ANO2: variants seen among roughly 807,000 people sequenced by gnomAD.
The protein encoded by ANO2 is anoctamin 2, also known as anoctamin-2.
A neutral mutation model predicts 124.2 loss-of-function variants in ANO2; 101 were observed. The ratio of observed to expected loss-of-function variants is 0.81; its 90% CI spans 0.69 to 0.96. The LOEUF (loss-of-function observed/expected upper bound fraction) is 0.96. Among genes scored for constraint, ANO2 ranks in the 40% least tolerant of loss-of-function variants. ANO2 has a pLI of 0.00. For synonymous variants in ANO2, 486 were observed against 482.5 expected, an observed-to-expected ratio of 1.01 and a Z score of -0.09; for missense variants, 1,293 against 1,274.5, an observed-to-expected ratio of 1.01 and a Z score of -0.22.
At chr12:5,701,759 T>A (rs1181202239) in intron 14 of ANO2, among the ~76,000 whole-genome samples, 1 of 152,216 alleles carries the variant, frequency 6.6e-6, no homozygotes, top group Non-Finnish European at 1.5e-5. Flanking sequence ...CTCCAGCTTC[T>A]AAGCCTTTAT....
At chr12:5,812,418 A>G (rs1250235460) in intron 7 of ANO2, among the ~76,000 whole-genome samples, 2 of 135,538 alleles carry the variant, frequency 1.5e-5, no homozygotes, top group Admixed American at 7.5e-5. Flanking sequence ...GAGGGAGGGC[A>G]GGCAGGCAAG....
At chr12:5,632,804 T>C (rs889871456) in intron 16 of ANO2, among the ~76,000 whole-genome samples, 3 of 152,186 alleles carry the variant, frequency 2.0e-5, no homozygotes, top group African/African-American at 7.2e-5. Flanking sequence ...TGAGATAATG[T>C]GACACAAATG....
intron 16 of ANO2, among the ~76,000 whole-genome samples, chr12:5,623,050 G>T (rs1015297177): frequency 1.3e-5 from 2 of 152,112 alleles, no homozygotes; most frequent in Non-Finnish European, 2.9e-5. Context: ...GGCCAGGTGG[G>T]GTGGGGTGAC....
chr12:5,833,246 G>A (rs1276987255), intron 4 of ANO2, among the ~76,000 whole-genome samples: 1 of 152,162 alleles, frequency 6.6e-6, no homozygotes, highest in Admixed American at 6.5e-5. Flanking sequence ...TTAGTACCAA[G>A]GTAATTGTTA....
chr12:5,566,882 A>AG (rs1406543505), intron 23 of ANO2, among the ~76,000 whole-genome samples: 7 of 152,298 alleles, frequency 4.6e-5, no homozygotes, highest in Admixed American at 1.3e-4. Context: ...ACCGCAGTTT[A>AG]GGGGACATTC....
At chr12:5,858,079 T>G (rs541055449) in intron 3 of ANO2, among the ~76,000 whole-genome samples, 46 of 152,302 alleles carry the variant, frequency 3.0e-4, no homozygotes, top group Non-Finnish European at 4.0e-4. Context: ...AAAGTTAAGC[T>G]AGATAGGAGG....
At chr12:5,853,141 T>C (rs1464422254) in intron 4 of ANO2, among the ~76,000 whole-genome samples, 4 of 150,052 alleles carry the variant, frequency 2.7e-5, no homozygotes, top group African/African-American at 9.8e-5. Context: ...CAAGGAGACA[T>C]GTCACCTAGA....
chr12:5,710,655 T>C (rs1340385332), intron 14 of ANO2, among the ~76,000 whole-genome samples: 1 of 152,142 alleles, frequency 6.6e-6, no homozygotes, highest in Non-Finnish European at 1.5e-5. Flanking sequence ...TCCAGGCCTA[T>C]GGATAAGGAA....
intron 3 of ANO2, among the ~76,000 whole-genome samples, chr12:5,866,981 AG>A (rs1955443756): frequency 6.6e-6 from 1 of 152,172 alleles, no homozygotes; most frequent in Non-Finnish European, 1.5e-5. Flanking sequence ...GAGTTGGTCT[AG>A]GGGTTGGTCT....
intron 15 of ANO2, among the ~76,000 whole-genome samples, chr12:5,641,973 G>A (rs1431528384): frequency 6.6e-6 from 1 of 152,188 alleles, no homozygotes; most frequent in Non-Finnish European, 1.5e-5. Flanking sequence ...TGGTGGTCCA[G>A]TGATCTATTT....
intron 14 of ANO2, among the ~76,000 whole-genome samples, chr12:5,682,837 T>C (rs1339203830): frequency 6.6e-6 from 1 of 152,234 alleles, no homozygotes; most frequent in Non-Finnish European, 1.5e-5. Flanking sequence ...CAGATATCTA[T>C]GAGCATTCAA....
intron 3 of ANO2, among the ~76,000 whole-genome samples, chr12:5,874,166 CAG>C (rs1223934311): frequency 6.6e-6 from 1 of 152,216 alleles, no homozygotes; most frequent in Admixed American, 6.5e-5. Flanking sequence ...CTGACAGCTA[CAG>C]AAAATTTACA....
At chr12:5,569,560 G>C (rs1053184746) in intron 23 of ANO2, among the ~76,000 whole-genome samples, 7 of 152,130 alleles carry the variant, frequency 4.6e-5, no homozygotes, top group African/African-American at 1.7e-4. Context: ...TCTGCACCTG[G>C]AGCAGCTACG....
intron 8 of ANO2, 91 bp from the exon 9 acceptor site, chr12:5,806,184 A>G (rs1953186095): frequency 7.5e-7 from 1 of 1,332,024 alleles, no homozygotes; most frequent in Non-Finnish European, 1.0e-6. Flanking sequence ...ATTTTCTAAT[A>G]TCATTGCTTT....
At chr12:5,805,661 C>T (rs1953168300) in intron 9 of ANO2, among the ~76,000 whole-genome samples, 1 of 152,182 alleles carries the variant, frequency 6.6e-6, no homozygotes, top group African/African-American at 2.4e-5. Context: ...GTGTTCCGAG[C>T]CCCATCTCTG....
chr12:5,789,817 A>C (rs1420010103), intron 10 of ANO2, among the ~76,000 whole-genome samples: 1 of 152,214 alleles, frequency 6.6e-6, no homozygotes, highest in Non-Finnish European at 1.5e-5. Context: ...AAATTTAGCT[A>C]TCTTGCGGTT....
rs565168088 is a variant in ANO2, at chr12:5,777,471, T to C, written c.1055+22036A>G. ...CTTGGTCCTTTCAAAGCCTGGCAAG[T>C]GGCAGCATGAACTGAGGGGACCAAA... On this transcript the variant is annotated intron_variant, in intron 10 of 24. Transcript: ENST00000682330. 2.0e-5 allele frequency among the ~76,000 whole-genome samples: 3 copies of C among 152,232 alleles called. No individual in the cohort carries two copies. In the East Asian group the frequency reaches 5.8e-4, roughly 29 times the overall value.
At position 5,930,283 on chromosome 12, in the gene ANO2, G is replaced by T. The variant is rs563490180; in HGVS notation, c.23-7479C>A. Among the ~76,000 whole-genome samples, 54 of 152,324 alleles carry T rather than the reference G, an allele frequency of 3.5e-4. 4 individuals are homozygous for T. In the South Asian group the frequency reaches 0.011, roughly 30 times the overall value. On this transcript the variant is annotated intron_variant, in intron 1 of 24. Coordinates refer to ENST00000682330, the MANE Select transcript of ANO2 (RefSeq NM_001364791.2). ...AATACCTGGGAAGTTAAATGGGTCTGCAATGAACGAACAGAGATGTGAAAT... is the reference window on the plus strand; with the variant it reads ...AATACCTGGGAAGTTAAATGGGTCTTCAATGAACGAACAGAGATGTGAAAT...
rs79058864 is a variant in ANO2, at chr12:5,810,919, C to T, written c.893-3551G>A. Among the ~76,000 whole-genome samples the T allele has an allele frequency of 4.6e-3, 696 of 152,336 alleles. 5 individuals carry two copies. The highest frequency in any genetic ancestry group is 0.016 in the African/African-American group (671 of 41,580). ...GAAACATGACCAGGGAAGGCTTAGG[C>T]CCCAGCATTGGTACCTGAAAACACA... On this transcript the variant is annotated intron_variant, in intron 7 of 24. Coordinates refer to ENST00000682330, the MANE Select transcript of ANO2 (RefSeq NM_001364791.2).
Sources: gnomAD v4.1 joint callset for allele counts (sites outside exome capture counted in the v4.1 genomes callset) on GRCh38, gnomAD v4.1.1 for gene constraint, MANE v1.5 for transcripts, NCBI Gene and HGNC (gene_info 2026-07-23, HGNC 2026-07-21) for gene names.